SLC25A13: variants seen among roughly 807,000 people sequenced by gnomAD.
The protein encoded by SLC25A13 is electrogenic aspartate/glutamate antiporter SLC25A13, mitochondrial.
Under a neutral mutation model 85.5 loss-of-function variants are expected in SLC25A13, and 70 were observed. That is an observed-to-expected ratio of 0.82 (90% CI 0.68 to 1.00). SLC25A13 has a LOEUF of 1.00. Ranked by LOEUF, SLC25A13 falls within the 50% of genes least tolerant of loss-of-function variation. The pLI is 0.00. For synonymous variants in SLC25A13, 259 were observed against 288.7 expected (o/e 0.90, Z 1.04); for missense variants, 765 against 819.8 (o/e 0.93, Z 0.82).
chr7:96,216,813 A>T (rs1301094574), intron 4 of SLC25A13, among the ~76,000 whole-genome samples: 1 of 152,106 alleles, frequency 6.6e-6, no homozygotes, highest in Admixed American at 6.5e-5. Flanking sequence ...TTAATATCTG[A>T]GTGATGAAAT....
chr7:96,149,115 T>C (rs930434375), intron 13 of SLC25A13, among the ~76,000 whole-genome samples: 1 of 152,250 alleles, frequency 6.6e-6, no homozygotes, highest in Admixed American at 6.5e-5. Context: ...GAGATTACCA[T>C]GTGCAGTGAG....
chr7:96,322,088 C>CT lies in SLC25A13; in HGVS notation c.-133dup. ...CGATACGGCCAGGCAGCGTGCGTTC[C>CT]TGGCCTGCCTCCCCACGCCCTCCCG... is the stretch of plus-strand genomic sequence containing the variant. On this transcript the variant is annotated 5_prime_UTR_variant, in exon 1 of 18. Transcript: ENST00000265631. 1 of 1,272,786 alleles carries CT rather than the reference C, an allele frequency of 7.9e-7. No individual in the cohort carries two copies. The highest frequency in any genetic ancestry group is 2.5e-4 in the Middle Eastern group (1 of 3,950). The allele number at this position is 1,272,786 out of a possible 1,614,324, so 78.8% of individuals were successfully genotyped here. A position where few individuals can be genotyped will look rare whatever the true frequency, so the allele number is the denominator to read the frequency against.
At chr7:96,192,554 T>G (rs1260522077) in intron 6 of SLC25A13, among the ~76,000 whole-genome samples, 1 of 152,084 alleles carries the variant, frequency 6.6e-6, no homozygotes, top group African/African-American at 2.4e-5. Context: ...GGAGGCTCCA[T>G]GAAACACAAC....
intron 3 of SLC25A13, among the ~76,000 whole-genome samples, chr7:96,235,254 A>G (rs959717469): frequency 6.6e-6 from 1 of 152,226 alleles, no homozygotes; most frequent in African/African-American, 2.4e-5. Flanking sequence ...TTAGACTAAG[A>G]TGTGACTGCC....
chr7:96,164,767 G>C (rs1000223245), intron 13 of SLC25A13, among the ~76,000 whole-genome samples: 1 of 135,582 alleles, frequency 7.4e-6, no homozygotes, highest in African/African-American at 2.8e-5. Context: ...CAGCATCCCT[G>C]TTGGCAATTC....
chr7:96,267,678 G>T (rs1246395627), intron 3 of SLC25A13, among the ~76,000 whole-genome samples: 3 of 151,994 alleles, frequency 2.0e-5, no homozygotes, highest in African/African-American at 7.2e-5. Flanking sequence ...GCCGGGTGTG[G>T]TGGTGCATGC....
chr7:96,225,909 C>T (rs1231010981), intron 4 of SLC25A13, among the ~76,000 whole-genome samples: 2 of 152,048 alleles, frequency 1.3e-5, no homozygotes, highest in Non-Finnish European at 2.9e-5. Flanking sequence ...GCTTAGAACC[C>T]GGGAAATGGC....
chr7:96,295,132 A>G (rs561535600), intron 2 of SLC25A13, among the ~76,000 whole-genome samples: 2 of 152,250 alleles, frequency 1.3e-5, no homozygotes, highest in African/African-American at 4.8e-5. Context: ...CAAGGCGTGC[A>G]GATCACCTGA....
chr7:96,264,686 A>G (rs1040416460), intron 3 of SLC25A13, among the ~76,000 whole-genome samples: 3 of 152,134 alleles, frequency 2.0e-5, no homozygotes, highest in African/African-American at 7.2e-5. Flanking sequence ...TGGTAATATA[A>G]ATATATTTGT....
chr7:96,148,847 G>T (rs1347283876), intron 13 of SLC25A13, among the ~76,000 whole-genome samples: 1 of 152,118 alleles, frequency 6.6e-6, no homozygotes, highest in Non-Finnish European at 1.5e-5. Context: ...GCAGAGCTTC[G>T]GTCTCCCTAT....
intron 2 of SLC25A13, among the ~76,000 whole-genome samples, chr7:96,291,173 A>ATGAC (rs1799103291): frequency 6.6e-6 from 1 of 152,246 alleles, no homozygotes; most frequent in South Asian, 2.1e-4. Flanking sequence ...CTGCTCCTGA[A>ATGAC]TGACTACTGG....
intron 12 of SLC25A13, 30 bp downstream of exon 12, chr7:96,171,442 T>C (rs751629925): frequency 1.9e-6 from 3 of 1,596,656 alleles, no homozygotes. Flanking sequence ...CAAAATCCCT[T>C]AATAAGAAGC....
chr7:96,215,853 C>T (rs1795880172), intron 4 of SLC25A13, among the ~76,000 whole-genome samples: 1 of 151,800 alleles, frequency 6.6e-6, no homozygotes, highest in Non-Finnish European at 1.5e-5. Flanking sequence ...CCAAGGATAC[C>T]ATTAAGAAAG....
chr7:96,142,831 C>T (rs1189574248), intron 14 of SLC25A13, among the ~76,000 whole-genome samples: 3 of 152,106 alleles, frequency 2.0e-5, no homozygotes, highest in South Asian at 4.1e-4. Context: ...TAAGAATGTA[C>T]TGATATATCA....
At chr7:96,189,786 T>C in intron 7 of SLC25A13, 112 bp from the exon 8 acceptor site, 1 of 911,874 alleles carries the variant, frequency 1.1e-6, no homozygotes, top group South Asian at 1.3e-5. Context: ...ATTATTATCA[T>C]CAGTTGTAGA....
intron 4 of SLC25A13, among the ~76,000 whole-genome samples, chr7:96,233,662 A>G (rs1427463150): frequency 6.6e-6 from 1 of 152,222 alleles, no homozygotes; most frequent in Non-Finnish European, 1.5e-5. Context: ...TTGATAAGAT[A>G]AATGAGGACT....
chr7:96,159,074 G>A (rs1023961443), intron 13 of SLC25A13, among the ~76,000 whole-genome samples: 9 of 152,132 alleles, frequency 5.9e-5, no homozygotes, highest in Non-Finnish European at 7.3e-5. Context: ...TGCTGAAGAC[G>A]GCATTCAGCA....
chr7:96,194,442 C>A (rs1278709707), intron 5 of SLC25A13, among the ~76,000 whole-genome samples: 53 of 27,690 alleles, frequency 1.9e-3, no homozygotes, highest in East Asian at 4.3e-3. Flanking sequence ...AACCTTGTCT[C>A]AAAAAAAAAA....
intron 14 of SLC25A13, among the ~76,000 whole-genome samples, chr7:96,136,497 G>A (rs373130460): frequency 4.0e-4 from 61 of 152,088 alleles, no homozygotes; most frequent in African/African-American, 1.4e-3. Context: ...TCTCTCGCAC[G>A]CATGCTGTTG....
Sources: allele counts gnomAD v4.1 joint callset (sites outside exome capture counted in the v4.1 genomes callset), GRCh38; gene constraint gnomAD v4.1.1; transcripts MANE v1.5; gene names NCBI Gene and HGNC (gene_info 2026-07-23, HGNC 2026-07-21).